The following CDH18 variants were observed in gnomAD, a reference collection of about 807,000 sequenced individuals.
CDH18 encodes cadherin 18, also known as cadherin-18.
In CDH18, 31 loss-of-function variants were observed where a neutral mutation model predicts 67.9. The observed-to-expected ratio is 0.46, with a 90% confidence interval of 0.34 to 0.62. The LOEUF is 0.62. CDH18 is among the 20% of genes least tolerant of loss of function. The pLI is 0.01. For synonymous variants in CDH18, 362 were observed against 347.2 expected (o/e 1.04, Z -0.48); for missense variants, 890 against 975.5 (o/e 0.91, Z 1.17).
intron 12 of CDH18, among the ~76,000 whole-genome samples, chr5:19,475,940 GTTC>G (rs1738392591): frequency 6.6e-6 from 1 of 151,896 alleles, no homozygotes; most frequent in Non-Finnish European, 1.5e-5. Flanking sequence ...TGGTTACTTT[GTTC>G]TTCTTTATAG....
At chr5:19,478,349 T>C (rs1352593459) in intron 12 of CDH18, among the ~76,000 whole-genome samples, 1 of 152,158 alleles carries the variant, frequency 6.6e-6, no homozygotes, top group African/African-American at 2.4e-5. Context: ...TTTGGTAGAA[T>C]TGAGGTGGCC....
intron 2 of CDH18, among the ~76,000 whole-genome samples, chr5:20,171,466 G>A (rs1211050790): frequency 6.6e-6 from 1 of 151,876 alleles, no homozygotes; most frequent in Admixed American, 6.6e-5. Flanking sequence ...AATGATCAGT[G>A]ACATTGAGAT....
At chr5:20,131,732 TACA>T (rs535326623) in intron 2 of CDH18, among the ~76,000 whole-genome samples, 13 of 152,212 alleles carry the variant, frequency 8.5e-5, no homozygotes, top group East Asian at 3.9e-4. Context: ...TATGTATTTT[TACA>T]ACAATTAATG....
intron 2 of CDH18, among the ~76,000 whole-genome samples, chr5:19,913,188 C>A (rs1357421072): frequency 6.6e-6 from 1 of 151,490 alleles, no homozygotes; most frequent in Non-Finnish European, 1.5e-5. Flanking sequence ...TCATATTAGT[C>A]ATGATTATAA....
At chr5:19,976,130 T>C (rs1579907024) in intron 2 of CDH18, among the ~76,000 whole-genome samples, 1 of 152,308 alleles carries the variant, frequency 6.6e-6, no homozygotes. Context: ...TTCTTTTCCC[T>C]TTTATTACCT....
At chr5:20,437,746 TAA>T (rs1199238646) in intron 1 of CDH18, among the ~76,000 whole-genome samples, 1 of 151,378 alleles carries the variant, frequency 6.6e-6, no homozygotes, top group Non-Finnish European at 1.5e-5. Flanking sequence ...AAAACAAAGA[TAA>T]GTTTTATTCA....
intron 1 of CDH18, among the ~76,000 whole-genome samples, chr5:20,373,795 G>C (rs1743198297): frequency 6.6e-6 from 1 of 151,912 alleles, no homozygotes; most frequent in Non-Finnish European, 1.5e-5. Flanking sequence ...CTCAAAATCT[G>C]TTTGAACATT....
chr5:20,471,199 T>C (rs1752041114), intron 1 of CDH18, among the ~76,000 whole-genome samples: 1 of 152,190 alleles, frequency 6.6e-6, no homozygotes, highest in South Asian at 2.1e-4. Context: ...TTTTTGACAC[T>C]GTTGATCACT....
intron 3 of CDH18, among the ~76,000 whole-genome samples, chr5:19,779,053 A>G (rs1391955857): frequency 6.6e-6 from 1 of 152,200 alleles, no homozygotes; most frequent in African/African-American, 2.4e-5. Flanking sequence ...CATTATATAA[A>G]ATAAGTTTAA....
chr5:19,732,491 G>A (rs1405089841), intron 4 of CDH18, among the ~76,000 whole-genome samples: 2 of 152,092 alleles, frequency 1.3e-5, no homozygotes, highest in Non-Finnish European at 1.5e-5. Flanking sequence ...GTGACAGAGT[G>A]AGACCTTGTC....
chr5:19,499,026 C>A (rs539422429), intron 11 of CDH18, among the ~76,000 whole-genome samples: 1 of 152,132 alleles, frequency 6.6e-6, no homozygotes, highest in African/African-American at 2.4e-5. Context: ...CTGACCACAC[C>A]TGTGATGAGA....
chr5:20,278,430 A>C (rs931234172), intron 1 of CDH18, among the ~76,000 whole-genome samples: 2 of 152,252 alleles, frequency 1.3e-5, no homozygotes, highest in South Asian at 2.1e-4. Context: ...TCAAACATAA[A>C]AAATAAATAC....
intron 1 of CDH18, among the ~76,000 whole-genome samples, chr5:20,532,362 A>G (rs72746861): frequency 3.5e-4 from 54 of 152,250 alleles, no homozygotes; most frequent in Non-Finnish European, 6.8e-4. Context: ...ACTTTGTTAC[A>G]AATGCCTAAC....
intron 1 of CDH18, among the ~76,000 whole-genome samples, chr5:20,435,586 T>C (rs770858284): frequency 1.3e-5 from 2 of 151,968 alleles, no homozygotes; most frequent in African/African-American, 2.4e-5. Flanking sequence ...CTGTCTGGAA[T>C]AGGCCAACCG....
At chr5:19,831,646 T>C (rs550644386) in intron 3 of CDH18, among the ~76,000 whole-genome samples, 94 of 152,240 alleles carry the variant, frequency 6.2e-4, no homozygotes, top group African/African-American at 2.1e-3. Flanking sequence ...ACATACACTC[T>C]TGGTGGGAAT....
At chr5:20,010,449 T>C (rs1176728838) in intron 2 of CDH18, among the ~76,000 whole-genome samples, 1 of 152,022 alleles carries the variant, frequency 6.6e-6, no homozygotes, top group Admixed American at 6.6e-5. Context: ...CTTCAAGTGA[T>C]CTGTCCATCT....
chr5:20,337,427 G>A lies in CDH18; in HGVS notation c.-579-81922C>T, dbSNP rs192629689. 3.7e-4 allele frequency among the ~76,000 whole-genome samples: 56 copies of A among 152,222 alleles called. No individual in the cohort carries two copies. The South Asian group carries it at 8.7e-3, about 24-fold the overall frequency. On this transcript the variant is annotated intron_variant, in intron 1 of 14. Transcript: ENST00000507958. ...AGTCACCTCTAGAATGCTTTGCTGC[G>A]TAGGGTATTTGTCTGTTGCCAGATA...
intron 2 of CDH18, among the ~76,000 whole-genome samples, chr5:20,156,533 A>G (rs1328502194): frequency 6.6e-6 from 1 of 152,138 alleles, no homozygotes; most frequent in Non-Finnish European, 1.5e-5. Context: ...TTGGATACAC[A>G]TGGGCATACA....
intron 2 of CDH18, among the ~76,000 whole-genome samples, chr5:20,098,242 AAT>A (rs1746157157): frequency 1.3e-5 from 2 of 152,110 alleles, no homozygotes; most frequent in African/African-American, 4.8e-5. Context: ...ATTATTATTT[AAT>A]CAGTAAAACC....
Sources: gnomAD v4.1 joint callset for allele counts (sites outside exome capture counted in the v4.1 genomes callset) on GRCh38, gnomAD v4.1.1 for gene constraint, MANE v1.5 for transcripts, NCBI Gene and HGNC (gene_info 2026-07-23, HGNC 2026-07-21) for gene names.